Variants in PRIM2 observed in about 807,000 individuals in gnomAD.
PRIM2 encodes the protein DNA primase subunit 2, also known as DNA primase large subunit.
Under a neutral mutation model 67.3 loss-of-function variants are expected in PRIM2, and 39 were observed. That is an observed-to-expected ratio of 0.58 (90% CI 0.45 to 0.76). The LOEUF is 0.76. Ranked by LOEUF, PRIM2 falls within the 30% of genes least tolerant of loss-of-function variation. The pLI is 0.00. For missense variants in PRIM2, 398 were observed against 598.7 expected (o/e 0.66, Z 3.50); for synonymous variants, 143 against 198.7 (o/e 0.72, Z 2.36).
intron 5 of PRIM2, among the ~76,000 whole-genome samples, chr6:57,331,692 A>G (rs899636257): frequency 6.6e-6 from 1 of 151,892 alleles, no homozygotes; most frequent in African/African-American, 2.4e-5. Flanking sequence ...GCAGTTATTC[A>G]TAGTTTTCTC....
At chr6:57,292,225 A>G in the PRIM2 span, among the ~76,000 whole-genome samples, 1 of 152,230 alleles carries the variant, frequency 6.6e-6, no homozygotes, top group South Asian at 2.1e-4. Flanking sequence ...CAGCTAAATC[A>G]TGAGTGAACT....
rs1174843548 is a variant in PRIM2, at chr6:57,518,624, GT to G, written c.761+11174del. 1.3e-3 allele frequency among the ~76,000 whole-genome samples: 194 copies of G among 152,136 alleles called. 5 individuals carry two copies. The East Asian group carries it at 0.016, about 12-fold the overall frequency. On this transcript the variant is annotated intron_variant, in intron 8 of 13. Transcript: ENST00000615550. ...GTTAAAAAATTTTACCTTTAATTCC[GT>G]TTTCCAAGCTGCTAAATATTGAGAC...
chr6:57,549,105 G>A (rs1393209683), intron 10 of PRIM2, among the ~76,000 whole-genome samples: 2 of 152,144 alleles, frequency 1.3e-5, no homozygotes, highest in Non-Finnish European at 2.9e-5. Context: ...CTATAAATTT[G>A]TAACTGGCTA....
intron 7 of PRIM2, among the ~76,000 whole-genome samples, chr6:57,476,096 C>T (rs1421499320): frequency 7.2e-5 from 11 of 152,078 alleles, no homozygotes; most frequent in African/African-American, 2.7e-4. Flanking sequence ...CCTAGATACA[C>T]TCTATATTCT....
At chr6:57,275,921 A>G in the PRIM2 span, among the ~76,000 whole-genome samples, 1 of 152,232 alleles carries the variant, frequency 6.6e-6, no homozygotes, top group Non-Finnish European at 1.5e-5. Flanking sequence ...AATTAGTAGC[A>G]AAATGAATTA....
At chr6:57,272,011 G>A in the PRIM2 span, among the ~76,000 whole-genome samples, 1 of 152,140 alleles carries the variant, frequency 6.6e-6, no homozygotes, top group South Asian at 2.1e-4. Context: ...TATAATTTCT[G>A]TTCTTTTACA....
intron 10 of PRIM2, among the ~76,000 whole-genome samples, chr6:57,578,704 T>G (rs1776008283): frequency 7.1e-6 from 1 of 141,402 alleles, no homozygotes; most frequent in African/African-American, 2.6e-5. Context: ...TGAGACGGAG[T>G]CTCGCTCTGT....
At chr6:57,273,549 G>T in the PRIM2 span, among the ~76,000 whole-genome samples, 18 of 151,928 alleles carry the variant, frequency 1.2e-4, no homozygotes, top group African/African-American at 4.3e-4. Flanking sequence ...TCAAAGTTTT[G>T]ATCTTCTTTG....
chr6:57,563,148 C>A (rs1775670666), intron 10 of PRIM2, among the ~76,000 whole-genome samples: 1 of 152,106 alleles, frequency 6.6e-6, no homozygotes, highest in East Asian at 1.9e-4. Flanking sequence ...ATATTAAGAG[C>A]TTTCCAGTAT....
chr6:57,325,091 A>G (rs1362734969), intron 4 of PRIM2, among the ~76,000 whole-genome samples: 1 of 151,404 alleles, frequency 6.6e-6, no homozygotes, highest in African/African-American at 2.4e-5. Context: ...AATGAACGTT[A>G]TTGCTTTTAA....
chr6:57,537,617 C>T lies in PRIM2; in HGVS notation c.1012C>T (p.Pro338Ser), dbSNP rs1246228637. Reference protein sequence around the residue: ...KQEFIKGKMDPDKFDKGYSYN... With the variant: ...KQEFIKGKMDSDKFDKGYSYN... Reference sequence around the variant, plus strand: ...AGAATTTATCAAAGGAAAGATGGATCCAGACAAGGTAATTTTGAAAAAAAA... The same window carrying T: ...AGAATTTATCAAAGGAAAGATGGATTCAGACAAGGTAATTTTGAAAAAAAA... Residue 338 changes from proline to serine, a missense_variant, in exon 10 of 14, where the codon CCA becomes TCA. By Grantham distance (74) the Pro-to-Ser change is moderately conservative. Coordinates refer to ENST00000615550, the MANE Select transcript of PRIM2 (RefSeq NM_000947.5). 1.3e-6 allele frequency: 2 copies of T among 1,511,638 alleles called. No homozygotes were observed. Among genetic ancestry groups the T allele is most frequent in the African/African-American group, 2.8e-5 (2 of 71,608 alleles). The allele number at this position is 1,511,638 out of a possible 1,614,324, so 93.6% of individuals were successfully genotyped here.
chr6:57,537,444 C>G lies in PRIM2; in HGVS notation c.839C>G (p.Ser280Cys). The G allele has an allele frequency of 7.2e-7, 1 of 1,386,802 alleles. No homozygotes were observed. 85.9% of individuals were successfully genotyped at this position (1,386,802 alleles called of 1,614,324 possible). Residue 280 changes from serine (S) to cysteine (C), a missense_variant, in exon 10 of 14, where the codon TCT (serine) becomes TGT (cysteine). Physicochemically the swap from Ser to Cys is moderately radical, Grantham distance 112. This residue lies in a region of PRIM2 where 229 missense variants were observed against 383.6 expected (regional missense o/e 0.60). Coordinates refer to ENST00000615550, the MANE Select transcript of PRIM2 (RefSeq NM_000947.5). ...KISLDQIDLL[S>C]TKSFPPCMRQ... The stretch of plus-strand genomic sequence containing the variant: ...TCTACTATTTTTTTCTTGTAGCTTT[C>G]TACCAAATCCTTCCCACCTTGCATG...
At position 57,466,518 on chromosome 6, in the gene PRIM2, C is replaced by T. The variant is rs1773197700; in HGVS notation, c.694-40869C>T. Among the ~76,000 whole-genome samples the T allele has an allele frequency of 2.0e-5, 3 of 152,320 alleles. 1 individual carries two copies. The South Asian group carries it at 6.2e-4, about 32-fold the overall frequency. ...GACTTTTTAAGGATTGTCATTCTAA[C>T]TGGTGTGAGATGGTATCCCATTGTG... On this transcript the variant is annotated intron_variant, in intron 7 of 13. Coordinates refer to ENST00000615550, the MANE Select transcript of PRIM2 (RefSeq NM_000947.5).
chr6:57,225,404 G>GA, the PRIM2 span, among the ~76,000 whole-genome samples: 3 of 152,202 alleles, frequency 2.0e-5, no homozygotes, highest in Non-Finnish European at 4.4e-5. Flanking sequence ...TGCTCTCACT[G>GA]AAGGCAGTGA....
At chr6:57,621,512 C>T (rs1776854493) in intron 12 of PRIM2, among the ~76,000 whole-genome samples, 2 of 151,820 alleles carry the variant, frequency 1.3e-5, no homozygotes, top group Admixed American at 1.3e-4. Context: ...AGTGGTTATC[C>T]TGGGGACTGT....
chr6:57,506,748 AT>A (rs1774258795), intron 7 of PRIM2, among the ~76,000 whole-genome samples: 1 of 152,084 alleles, frequency 6.6e-6, no homozygotes, highest in African/African-American at 2.4e-5. Flanking sequence ...AATAAAATAG[AT>A]CATAAATTCA....
chr6:57,554,250 A>T lies in PRIM2; in HGVS notation c.1020+16625A>T, dbSNP rs1320279219. Among the ~76,000 whole-genome samples the T allele has an allele frequency of 1.7e-3, 250 of 147,480 alleles. 3 individuals carry two copies. The highest frequency in any genetic ancestry group is 5.9e-3 in the African/African-American group (234 of 39,660). On this transcript the variant is annotated intron_variant, in intron 10 of 13. Coordinates refer to ENST00000615550, the MANE Select transcript of PRIM2 (RefSeq NM_000947.5). ...ACATGTAAATGTTGTTTTAAAAGCT[A>T]TATTTTGTTAGACTTAGATTTTCAC...
chr6:57,621,740 C>T (rs1776860079), intron 12 of PRIM2, among the ~76,000 whole-genome samples: 1 of 152,110 alleles, frequency 6.6e-6, no homozygotes, highest in South Asian at 2.1e-4. Flanking sequence ...CACAATAATA[C>T]TGGATTTTTA....
chr6:57,364,074 T>G (rs1769277388), intron 5 of PRIM2, among the ~76,000 whole-genome samples: 1 of 124,498 alleles, frequency 8.0e-6, no homozygotes, highest in Non-Finnish European at 1.6e-5. Flanking sequence ...AATTTATTTG[T>G]TTTTTTTTTT....
Sources: allele counts gnomAD v4.1 joint callset (sites outside exome capture counted in the v4.1 genomes callset), GRCh38; gene constraint gnomAD v4.1.1; regional missense constraint gnomAD v4.1.1; transcripts MANE v1.5; gene names NCBI Gene and HGNC (gene_info 2026-07-23, HGNC 2026-07-21).